MGAT4D: variants seen among roughly 807,000 people sequenced by gnomAD.
The protein encoded by MGAT4D is alpha-1,3-mannosyl-glycoprotein 4-beta-N-acetylglucosaminyltransferase-like protein MGAT4D.
In MGAT4D, 34 loss-of-function variants were observed where a neutral mutation model predicts 15.9. That is an observed-to-expected ratio of 2.14 (90% CI 1.62 to 2.84). The LOEUF is 2.84. Ranked by LOEUF, MGAT4D falls within the 30% of genes most tolerant of loss-of-function variation. The probability of loss-of-function intolerance (pLI) is 0.00; values close to 1 mark genes in which losing one functional copy is unlikely to be tolerated. For synonymous variants in MGAT4D, 112 were observed against 48.2 expected (o/e 2.33, Z -5.49); for missense variants, 327 against 140.2 (o/e 2.33, Z -6.73).
intron 1 of MGAT4D, among the ~76,000 whole-genome samples, chr4:140,495,115 T>C (rs1342601118): frequency 6.6e-6 from 1 of 152,200 alleles, no homozygotes; most frequent in African/African-American, 2.4e-5. Flanking sequence ...CTCCCCCCTG[T>C]TCACATTGGC....
chr4:140,470,832 T>C (rs1731883228), intron 5 of MGAT4D, among the ~76,000 whole-genome samples: 1 of 152,170 alleles, frequency 6.6e-6, no homozygotes, highest in Non-Finnish European at 1.5e-5. Context: ...TGTTGTCATA[T>C]TTATTCCCCA....
chr4:140,460,744 C>T (rs1198749599), intron 7 of MGAT4D, among the ~76,000 whole-genome samples: 1 of 152,148 alleles, frequency 6.6e-6, no homozygotes, highest in East Asian at 1.9e-4. Flanking sequence ...CTTCAGTGAG[C>T]CGCGATTGTG....
At chr4:140,480,908 G>A (rs575581243) in intron 2 of MGAT4D, among the ~76,000 whole-genome samples, 38 of 150,954 alleles carry the variant, frequency 2.5e-4, no homozygotes, top group Non-Finnish European at 4.7e-4. Context: ...TGCATTCCCC[G>A]TTTGAACAGA....
chr4:140,453,197 T>C (rs1049595846), intron 9 of MGAT4D, among the ~76,000 whole-genome samples: 1 of 152,090 alleles, frequency 6.6e-6, no homozygotes, highest in Non-Finnish European at 1.5e-5. Context: ...TTTCCCAACT[T>C]TATTCTTCTT....
At chr4:140,460,695 G>C (rs1467281566) in intron 7 of MGAT4D, among the ~76,000 whole-genome samples, 1 of 152,124 alleles carries the variant, frequency 6.6e-6, no homozygotes, top group Non-Finnish European at 1.5e-5. Context: ...AAATTAGTCG[G>C]GTGTTGTGGT....
chr4:140,462,854 G>C (rs1278799340), intron 6 of MGAT4D, among the ~76,000 whole-genome samples: 3 of 152,154 alleles, frequency 2.0e-5, no homozygotes, highest in Non-Finnish European at 4.4e-5. Flanking sequence ...CTCCTGCTTG[G>C]CCAGGCAGAA....
chr4:140,468,111 A>G (rs1731668745), intron 5 of MGAT4D, among the ~76,000 whole-genome samples: 1 of 146,386 alleles, frequency 6.8e-6, no homozygotes, highest in Admixed American at 6.9e-5. Context: ...AATATTAAAT[A>G]GTGAATATTC....
intron 5 of MGAT4D, among the ~76,000 whole-genome samples, chr4:140,469,890 A>G (rs1731804192): frequency 6.6e-6 from 1 of 152,216 alleles, no homozygotes; most frequent in Non-Finnish European, 1.5e-5. Context: ...CACAGCTCAC[A>G]CTGCACATCG....
At chr4:140,454,018 G>A (rs1027950842) in intron 9 of MGAT4D, among the ~76,000 whole-genome samples, 60 of 152,008 alleles carry the variant, frequency 3.9e-4, no homozygotes, top group Non-Finnish European at 7.7e-4. Context: ...ATGTATGTGT[G>A]TGTGTGTGTG....
chr4:140,489,760 T>C (rs905280484), intron 1 of MGAT4D, among the ~76,000 whole-genome samples: 1 of 152,242 alleles, frequency 6.6e-6, no homozygotes, highest in Non-Finnish European at 1.5e-5. Flanking sequence ...GTCTCTTCTA[T>C]TGTTGGTAAC....
chr4:140,459,759 A>G, intron 7 of MGAT4D, 133 bp from the exon 8 acceptor site: 1 of 290,194 alleles, frequency 3.4e-6, no homozygotes, highest in East Asian at 5.1e-5. Flanking sequence ...ATTTTATTTC[A>G]GTTTCAATTA....
intron 6 of MGAT4D, 95 bp downstream of exon 6, chr4:140,464,801 C>A (rs1412021774): frequency 1.5e-6 from 1 of 655,184 alleles, no homozygotes; most frequent in Non-Finnish European, 2.8e-6. Context: ...TCCAGAACAC[C>A]ACTGTGTCTG....
At chr4:140,445,383 T>G (rs1284321459) in intron 10 of MGAT4D, among the ~76,000 whole-genome samples, 1 of 152,216 alleles carries the variant, frequency 6.6e-6, no homozygotes, top group Non-Finnish European at 1.5e-5. Flanking sequence ...GGTTGTTTGT[T>G]TTTTGCTTGT....
chr4:140,488,218 C>T (rs913748648), intron 1 of MGAT4D, among the ~76,000 whole-genome samples: 33 of 152,202 alleles, frequency 2.2e-4, no homozygotes, highest in Non-Finnish European at 2.9e-5. Flanking sequence ...TCCTATACAA[C>T]ATGGCCATGA....
chr4:140,446,596 T>C (rs2126661090), intron 10 of MGAT4D, among the ~76,000 whole-genome samples: 1 of 152,102 alleles, frequency 6.6e-6, no homozygotes, highest in South Asian at 2.1e-4. Flanking sequence ...GGTTCATATG[T>C]CTTATTAATT....
intron 7 of MGAT4D, among the ~76,000 whole-genome samples, chr4:140,461,405 T>C (rs549695809): frequency 1.3e-4 from 20 of 152,286 alleles, no homozygotes; most frequent in South Asian, 2.1e-4. Flanking sequence ...AAACACAACA[T>C]TATTATTTAA....
chr4:140,451,648 A>C, intron 9 of MGAT4D, 131 bp from the exon 10 acceptor site: 1 of 382,418 alleles, frequency 2.6e-6, no homozygotes, highest in Non-Finnish European at 4.6e-6. Flanking sequence ...TATAAACAAA[A>C]TATTTAATTC....
chr4:140,498,085 C>A (rs569260715), intron 1 of MGAT4D, 44 bp downstream of exon 1: 22 of 693,856 alleles, frequency 3.2e-5, no homozygotes, highest in Middle Eastern at 2.3e-4. Flanking sequence ...AGCCCCGAAG[C>A]CCCCGCGGCG....
At chr4:140,462,342 T>C (rs1246948846) in intron 6 of MGAT4D, 1 of 174,946 alleles carries the variant, frequency 5.7e-6, no homozygotes, top group East Asian at 1.5e-4. Flanking sequence ...AAAGAAACTT[T>C]ATTCTTTTTT....
Sources: allele counts gnomAD v4.1 joint callset (sites outside exome capture counted in the v4.1 genomes callset), GRCh38; gene constraint gnomAD v4.1.1; transcripts MANE v1.5; gene names NCBI Gene and HGNC (gene_info 2026-07-23, HGNC 2026-07-21).